Variants in NRG1 observed in about 807,000 individuals in gnomAD.
NRG1 encodes the protein pro-neuregulin-1, membrane-bound isoform.
NRG1 carries 18 observed loss-of-function variants against 63.8 expected under a neutral mutation model. The observed-to-expected ratio is 0.28, with a 90% CI of 0.19 to 0.42. NRG1 has a LOEUF of 0.42. Ranked by LOEUF, NRG1 falls within the 10% of genes least tolerant of loss-of-function variation. The pLI, the probability that NRG1 is intolerant of heterozygous loss-of-function variation, is 1.00. For missense variants in NRG1, 762 were observed against 814.7 expected (o/e 0.94, Z 0.79); for synonymous variants, 302 against 301.3 (o/e 1.00, Z -0.02).
chr8:32,024,362 G>GT (rs1490059198), intron 1 of NRG1, among the ~76,000 whole-genome samples: 1 of 152,196 alleles, frequency 6.6e-6, no homozygotes, highest in Non-Finnish European at 1.5e-5. Flanking sequence ...ACAGTTCTAA[G>GT]TTTTGAGTGG....
At chr8:32,771,360 A>G (rs1180206730), downstream of NRG1, among the ~76,000 whole-genome samples, 1 of 139,180 alleles carries the variant, frequency 7.2e-6, no homozygotes, top group Admixed American at 7.7e-5. Flanking sequence ...TCCTGGCCTT[A>G]AGTGATCCTC....
intron 1 of NRG1, among the ~76,000 whole-genome samples, chr8:32,293,630 T>C (rs1449875763): frequency 1.3e-5 from 2 of 152,032 alleles, no homozygotes; most frequent in African/African-American, 2.4e-5. Context: ...AAAAGCCATT[T>C]TATTTTAATT....
chr8:32,748,887 G>A (rs1828100571), intron 7 of NRG1: 3 of 267,832 alleles, frequency 1.1e-5, no homozygotes, highest in South Asian at 9.6e-5. Flanking sequence ...TGGGGTTTTG[G>A]GGCAGAAGCA....
intron 1 of NRG1, among the ~76,000 whole-genome samples, chr8:32,335,615 G>T (rs1471328319): frequency 6.6e-6 from 1 of 152,154 alleles, no homozygotes; most frequent in African/African-American, 2.4e-5. Flanking sequence ...AGTAATAAAA[G>T]AGTAGGAAAA....
intron 1 of NRG1, among the ~76,000 whole-genome samples, chr8:31,855,078 T>A (rs1827705384): frequency 6.6e-6 from 1 of 152,062 alleles, no homozygotes; most frequent in Non-Finnish European, 1.5e-5. Context: ...CTGAAAAAAA[T>A]GTATATTCTG....
intron 1 of NRG1, among the ~76,000 whole-genome samples, chr8:32,133,653 C>T (rs939189005): frequency 3.9e-5 from 6 of 152,016 alleles, no homozygotes; most frequent in Admixed American, 6.6e-5. Flanking sequence ...ATGCTTCATA[C>T]GAAAACTAGA....
chr8:31,897,785 C>T (rs1010606040), intron 1 of NRG1, among the ~76,000 whole-genome samples: 7 of 151,580 alleles, frequency 4.6e-5, no homozygotes, highest in South Asian at 2.1e-4. Context: ...GAGGCTGAGG[C>T]GGGCAGATCA....
At chr8:32,496,237 T>A (rs1827183157) in intron 1 of NRG1, among the ~76,000 whole-genome samples, 1 of 152,156 alleles carries the variant, frequency 6.6e-6, no homozygotes, top group African/African-American at 2.4e-5. Flanking sequence ...GTAAAGTTAT[T>A]TCTTTGTTAT....
chr8:31,665,332 G>C (rs1806416838), intron 1 of NRG1, among the ~76,000 whole-genome samples: 1 of 152,118 alleles, frequency 6.6e-6, no homozygotes, highest in African/African-American at 2.4e-5. Context: ...TTGCCTTTAT[G>C]ACCTTCTATA....
At chr8:31,669,244 C>CT (rs71208137) in intron 1 of NRG1, among the ~76,000 whole-genome samples, 124,253 of 146,236 alleles carry the variant, frequency 0.85, 52,815 homozygotes, top group Middle Eastern at 0.91. Flanking sequence ...TTTTTGTATT[C>CT]TTTTTTTTTT....
rs570194031 is a variant in NRG1, at chr8:32,418,330, A to G, written c.38-177498A>G. Among the ~76,000 whole-genome samples the G allele has an allele frequency of 3.7e-4, 56 of 151,988 alleles. 1 individual carries two copies. Among genetic ancestry groups the G allele is most frequent in the African/African-American group, 1.3e-3 (55 of 41,536 alleles). On this transcript the variant is annotated intron_variant, in intron 1 of 10. Coordinates refer to the NRG1 transcript ENST00000519301. ...AATAAGTGAAGTTAATTTTAATAAT[A>G]TATTATCTTTAACCTCTTTTAATAA...
intron 1 of NRG1, among the ~76,000 whole-genome samples, chr8:32,118,154 C>T (rs1332426508): frequency 6.6e-6 from 1 of 152,052 alleles, no homozygotes; most frequent in Non-Finnish European, 1.5e-5. Context: ...CTCCAAATCT[C>T]TTGTTGAACT....
intron 1 of NRG1, among the ~76,000 whole-genome samples, chr8:31,708,894 A>G (rs1416825909): frequency 6.6e-6 from 1 of 152,170 alleles, no homozygotes; most frequent in Non-Finnish European, 1.5e-5. Context: ...AAATCTGCAT[A>G]TAATTTTTGA....
intron 1 of NRG1, among the ~76,000 whole-genome samples, chr8:31,839,940 C>T (rs539167202): frequency 2.0e-5 from 3 of 152,084 alleles, no homozygotes; most frequent in East Asian, 1.9e-4. Context: ...AGCTGGTTTT[C>T]GGGAGCCACC....
At chr8:31,794,721 C>G (rs1821035364) in intron 1 of NRG1, among the ~76,000 whole-genome samples, 1 of 151,786 alleles carries the variant, frequency 6.6e-6, no homozygotes, top group South Asian at 2.1e-4. Flanking sequence ...TATGTAAATA[C>G]TTATGGAGTA....
At chr8:31,657,595 G>A (rs1278399525) in intron 1 of NRG1, among the ~76,000 whole-genome samples, 2 of 152,196 alleles carry the variant, frequency 1.3e-5, no homozygotes, top group South Asian at 2.1e-4. Context: ...AAGTCTGGGA[G>A]CTCTTGGAAT....
chr8:31,662,511 A>G (rs1170041676), intron 1 of NRG1, among the ~76,000 whole-genome samples: 1 of 152,138 alleles, frequency 6.6e-6, no homozygotes, highest in East Asian at 1.9e-4. Flanking sequence ...CCACTCCTGC[A>G]TTTCTGGGTT....
At position 32,089,302 on chromosome 8, in the gene NRG1, A is replaced by G. The variant is rs146634608; in HGVS notation, c.37+449871A>G. Among the ~76,000 whole-genome samples, 647 of 152,336 alleles carry G rather than the reference A, an allele frequency of 4.2e-3. 1 individual carries two copies. Among genetic ancestry groups the G allele is most frequent in the Non-Finnish European group, 6.3e-3 (426 of 68,036 alleles). On this transcript the variant is annotated intron_variant, in intron 1 of 10. Coordinates refer to the NRG1 transcript ENST00000519301. ...CAATGGCAAGAGTAAACCTCTGTAA[A>G]GAACACCTTCTTAACCTTTTACTGT...
chr8:31,967,766 A>C (rs1806600767), intron 1 of NRG1, among the ~76,000 whole-genome samples: 1 of 151,980 alleles, frequency 6.6e-6, no homozygotes, highest in African/African-American at 2.4e-5. Context: ...GCCAATTGAT[A>C]CTCCAGGCAG....
Sources: allele counts gnomAD v4.1 joint callset (sites outside exome capture counted in the v4.1 genomes callset), GRCh38; gene constraint gnomAD v4.1.1; transcripts MANE v1.5; gene names NCBI Gene and HGNC (gene_info 2026-07-23, HGNC 2026-07-21).